Variants in PCDHA12 observed in about 807,000 individuals in gnomAD.
PCDHA12 encodes protocadherin alpha 12.
A neutral mutation model predicts 60.0 loss-of-function variants in PCDHA12; 44 were observed. That is an observed-to-expected ratio of 0.73 (90% confidence interval 0.58 to 0.94). PCDHA12 has a LOEUF of 0.94. PCDHA12 is among the 40% of genes least tolerant of loss of function. The probability of loss-of-function intolerance (pLI) is 0.00; values close to 1 mark genes in which losing one functional copy is unlikely to be tolerated. For synonymous variants in PCDHA12, 569 were observed against 553.0 expected (o/e 1.03, Z -0.40); for missense variants, 1,276 against 1,239.7 (o/e 1.03, Z -0.44).
chr5:140,887,561 CT>C (rs2061497104), intron 1 of PCDHA12, among the ~76,000 whole-genome samples: 1 of 151,690 alleles, frequency 6.6e-6, no homozygotes, highest in Non-Finnish European at 1.5e-5. Context: ...ACTGTTAAAA[CT>C]TTTCTTTTTA....
At chr5:140,920,474 GT>G (rs1407391996) in intron 1 of PCDHA12, among the ~76,000 whole-genome samples, 1 of 152,008 alleles carries the variant, frequency 6.6e-6, no homozygotes, top group Non-Finnish European at 1.5e-5. Flanking sequence ...ATTTCTGTAT[GT>G]TTTTGGTCCA....
chr5:140,991,875 G>A (rs2097477734), intron 3 of PCDHA12, among the ~76,000 whole-genome samples: 1 of 152,092 alleles, frequency 6.6e-6, no homozygotes, highest in South Asian at 2.1e-4. Context: ...AGTTTCCTAG[G>A]GCTGCCATAA....
rs186232239 is a variant in PCDHA12, at chr5:140,924,849, C to T, written c.2367+47010C>T. On this transcript the variant is annotated intron_variant, in intron 1 of 3. Coordinates refer to ENST00000398631, the MANE Select transcript of PCDHA12 (RefSeq NM_018903.4). ...GGGGGAGGTTGCAGGGAGCTCAGAT[C>T]GTGCCACTGCACTCCAGCCTGGGTG... 8.0e-3 allele frequency among the ~76,000 whole-genome samples: 1,208 copies of T among 150,322 alleles called. 6 individuals are homozygous for T. Among genetic ancestry groups the T allele is most frequent in the African/African-American group, 0.019 (780 of 40,670 alleles).
rs373922357 is a variant in PCDHA12, at chr5:140,927,079, G to C, written c.2367+49240G>C. On this transcript the variant is annotated intron_variant, in intron 1 of 3. Coordinates refer to ENST00000398631, the MANE Select transcript of PCDHA12 (RefSeq NM_018903.4). ...CTTTCGCTTCCTTTCCAGCCACCGC[G>C]AGCTCTACTTCGGGGTGGATCTACC... The C allele has an allele frequency of 2.5e-6, 4 of 1,610,870 alleles. No individual in the cohort carries two copies. In the African/African-American group the frequency reaches 5.3e-5, roughly 22 times the overall value.
At chr5:140,947,949 AT>A (rs1326528139) in intron 1 of PCDHA12, among the ~76,000 whole-genome samples, 1 of 151,494 alleles carries the variant, frequency 6.6e-6, no homozygotes, top group African/African-American at 2.4e-5. Context: ...AGTGTTCCAT[AT>A]TTTACAATTA....
intron 3 of PCDHA12, among the ~76,000 whole-genome samples, chr5:141,009,035 G>A (rs1455230382): frequency 2.6e-5 from 4 of 152,106 alleles, no homozygotes; most frequent in Non-Finnish European, 2.9e-5. Flanking sequence ...TTCCCATCCC[G>A]TTCCCAGTCA....
chr5:140,991,003 A>C (rs1228444549), intron 3 of PCDHA12, among the ~76,000 whole-genome samples: 1 of 152,190 alleles, frequency 6.6e-6, no homozygotes, highest in East Asian at 1.9e-4. Flanking sequence ...ATTTATTGAG[A>C]ACTGTGATAA....
At chr5:140,919,489 T>C (rs1554199092) in intron 1 of PCDHA12, among the ~76,000 whole-genome samples, 2 of 152,222 alleles carry the variant, frequency 1.3e-5, no homozygotes, top group African/African-American at 4.8e-5. Context: ...TTATGTTTGT[T>C]ATTTTACTCC....
At chr5:140,958,844 G>A (rs533464436) in intron 1 of PCDHA12, among the ~76,000 whole-genome samples, 81 of 152,122 alleles carry the variant, frequency 5.3e-4, no homozygotes, top group African/African-American at 1.9e-3. Context: ...TATCATTCCA[G>A]TGTCTTTGGT....
intron 3 of PCDHA12, among the ~76,000 whole-genome samples, chr5:140,997,565 A>G (rs552009994): frequency 6.6e-6 from 1 of 152,292 alleles, no homozygotes; most frequent in South Asian, 2.1e-4. Flanking sequence ...CAACTGTCAT[A>G]TGTGTGGTCC....
Position 140,876,879 on chromosome 5 carries a change from G to C in PCDHA12, c.1407G>C (p.Pro469=), listed in dbSNP as rs782299548. Residue 469 remains proline (P), a synonymous_variant, in exon 1 of 4, where the codon CCG becomes CCC. Coordinates refer to ENST00000398631, the MANE Select transcript of PCDHA12 (RefSeq NM_018903.4). Reference sequence around the variant, plus strand: ...CAGTGTTCGTGAAGGAGAACAACCCGCCGGGCTGCCACATCTTCACGGTGT... The same window carrying C: ...CAGTGTTCGTGAAGGAGAACAACCCCCCGGGCTGCCACATCTTCACGGTGT... The part of the protein sequence containing the change: ...EYTVFVKENN[P]PGCHIFTVSA... The C allele has an allele frequency of 1.6e-5, 26 of 1,614,032 alleles. 1 individual carries two copies. The highest frequency in any genetic ancestry group is 2.2e-5 in the Non-Finnish European group (26 of 1,180,008).
At chr5:140,968,273 G>A in intron 1 of PCDHA12, 1 of 1,614,080 alleles carries the variant, frequency 6.2e-7, no homozygotes, top group African/African-American at 1.3e-5. Context: ...GGAGAATGCA[G>A]AGGTGACCTA....
At position 140,904,654 on chromosome 5, in the gene PCDHA12, G is replaced by C. The variant is rs554492367; in HGVS notation, c.2367+26815G>C. On this transcript the variant is annotated intron_variant, in intron 1 of 3. Coordinates refer to ENST00000398631, the MANE Select transcript of PCDHA12 (RefSeq NM_018903.4). ...AGGAATCTCCACACTGTTTTCCATAGTGGTTGTACTAGTTTACATTCCCAC... is the reference window on the plus strand; with the variant it reads ...AGGAATCTCCACACTGTTTTCCATACTGGTTGTACTAGTTTACATTCCCAC... Among the ~76,000 whole-genome samples, 175 of 152,122 alleles carry C rather than the reference G, an allele frequency of 1.2e-3. 1 individual carries two copies. The highest frequency in any genetic ancestry group is 3.4e-3 in the Middle Eastern group (1 of 294).
At chr5:141,002,134 C>T (rs1477082485) in intron 3 of PCDHA12, among the ~76,000 whole-genome samples, 1 of 152,216 alleles carries the variant, frequency 6.6e-6, no homozygotes, top group African/African-American at 2.4e-5. Flanking sequence ...TAGCCTTTGC[C>T]GGCTGCACTG....
chr5:140,928,917 G>A (rs181013464), intron 1 of PCDHA12: 4 of 1,614,134 alleles, frequency 2.5e-6, no homozygotes, highest in Admixed American at 1.7e-5. Context: ...AACCAGGAGG[G>A]CAGCTTTCTG....
chr5:140,994,568 G>T (rs1240135648), intron 3 of PCDHA12, among the ~76,000 whole-genome samples: 1 of 151,992 alleles, frequency 6.6e-6, no homozygotes, highest in Non-Finnish European at 1.5e-5. Context: ...AGCCGGGTGT[G>T]GTGGCATGCA....
chr5:140,883,511 C>T (rs782295526), intron 1 of PCDHA12: 22 of 1,614,068 alleles, frequency 1.4e-5, no homozygotes, highest in Non-Finnish European at 1.8e-5. Flanking sequence ...CGCCCTGGAC[C>T]GCGAGAGCGT....
intron 1 of PCDHA12, chr5:140,969,131 A>G: frequency 6.2e-7 from 1 of 1,614,138 alleles, no homozygotes; most frequent in South Asian, 1.1e-5. Flanking sequence ...CTCCCTCACC[A>G]AGACCTACTG....
At chr5:140,934,561 TTTAA>T (rs549996624) in intron 1 of PCDHA12, among the ~76,000 whole-genome samples, 1 of 152,208 alleles carries the variant, frequency 6.6e-6, no homozygotes, top group South Asian at 2.1e-4. Flanking sequence ...TCTTCTTTTT[TTTAA>T]TTAATTGTAA....
Sources: gnomAD v4.1 joint callset for allele counts (sites outside exome capture counted in the v4.1 genomes callset) on GRCh38, gnomAD v4.1.1 for gene constraint, MANE v1.5 for transcripts, NCBI Gene and HGNC (gene_info 2026-07-23, HGNC 2026-07-21) for gene names.